The following CFAP46 variants were observed in gnomAD, a reference collection of about 807,000 sequenced individuals.
The protein encoded by CFAP46 is cilia- and flagella-associated protein 46.
A neutral mutation model predicts 325.7 loss-of-function variants in CFAP46; 245 were observed. The ratio of observed to expected loss-of-function variants is 0.75; its 90% CI spans 0.68 to 0.84. CFAP46 has a LOEUF of 0.84. Ranked by LOEUF, CFAP46 falls within the 40% of genes least tolerant of loss-of-function variation. CFAP46 has a pLI of 0.00. For synonymous variants in CFAP46, 1,523 were observed against 1,495.9 expected (o/e 1.02, Z -0.42); for missense variants, 3,346 against 3,543.0 (o/e 0.94, Z 1.41).
At position 132,808,421 on chromosome 10, in the gene CFAP46, T is replaced by G. The variant is rs919523402; in HGVS notation, c.8148A>C (p.Ter2716CysextTer4). ...TIQTVSLFLI[*>C] ...TTTTGTTGTTTGTTTAGTGGAACAC[T>G]CAAATCAAAAACAGGCTCACGGTCT... is the stretch of plus-strand genomic sequence containing the variant. The change falls in exon 58 of 58, where the codon TGA (stop) becomes TGC (cysteine). Residue 2716 changes from the stop codon to cysteine (C), a stop_lost. Transcript: ENST00000368586. This position sits in a 1 kb window ranked among gnomAD's most constrained non-coding sequence, Gnocchi z 6.8. 1.3e-6 allele frequency: 2 copies of G among 1,598,880 alleles called. No individual in the cohort carries two copies. Among genetic ancestry groups the G allele is most frequent in the African/African-American group, 2.7e-5 (2 of 74,542 alleles).
At chr10:132,822,123 A>G (rs1283843729) in intron 50 of CFAP46, among the ~76,000 whole-genome samples, 11 of 72,310 alleles carry the variant, frequency 1.5e-4, no homozygotes, top group African/African-American at 2.9e-4. Context: ...CTGTGTGTGC[A>G]CTTGTGTGTG....
chr10:132,823,947 CAGTGA>C (rs1847962445), intron 50 of CFAP46, among the ~76,000 whole-genome samples: 2 of 113,884 alleles, frequency 1.8e-5, no homozygotes, highest in African/African-American at 3.5e-5. Flanking sequence ...GCTGTGTGTG[CAGTGA>C]TGTGTGCTGT....
intron 50 of CFAP46, among the ~76,000 whole-genome samples, chr10:132,819,428 A>G (rs931805436): frequency 2.6e-5 from 4 of 152,382 alleles, no homozygotes; most frequent in East Asian, 3.9e-4. Context: ...AAGACCCTGA[A>G]TAATCAAAGC....
In CFAP46 at chr10:132,814,135, G is replaced by A. The variant is rs780008489; in HGVS notation, c.7388+17C>T. ...CCTGCCACACTGCAAACGGCTCCTGGGAGCCCAGATCCGAACCTGGGAAAG... is the reference window on the plus strand; with the variant it reads ...CCTGCCACACTGCAAACGGCTCCTGAGAGCCCAGATCCGAACCTGGGAAAG... On this transcript the variant is annotated intron_variant, in intron 54 of 57. Coordinates refer to ENST00000368586, the MANE Select transcript of CFAP46 (RefSeq NM_001200049.3). 1.2e-6 allele frequency: 2 copies of A among 1,607,746 alleles called. No homozygotes were observed. The highest frequency in any genetic ancestry group is 2.2e-5 in the South Asian group (2 of 90,960).
chr10:132,811,952 A>C lies in CFAP46; in HGVS notation c.7501+833T>G, dbSNP rs117787633. 6.6e-5 allele frequency among the ~76,000 whole-genome samples: 10 copies of C among 152,340 alleles called. No homozygotes were observed. The East Asian group carries it at 1.5e-3, about 24-fold the overall frequency. On this transcript the variant is annotated intron_variant, in intron 55 of 57. Coordinates refer to ENST00000368586, the MANE Select transcript of CFAP46 (RefSeq NM_001200049.3). ...GGGGCACAGCAACTCCCGAGTCCCT[A>C]AAAGACTCCTGTCAACCCCACACAG...
chr10:132,834,231 A>C, intron 48 of CFAP46, 108 bp from the exon 49 acceptor site: 5 of 988,468 alleles, frequency 5.1e-6, no homozygotes, highest in Non-Finnish European at 7.6e-6. Flanking sequence ...AGCACCACGA[A>C]TCCCCACGCT....
In CFAP46 at chr10:132,909,237, T is replaced by A; in HGVS notation, c.2657A>T (p.Asn886Ile). The change falls in exon 21 of 58, where the codon AAT becomes ATT. Residue 886 changes from asparagine to isoleucine, a missense_variant. Asn to Ile is a moderately radical substitution (Grantham distance 149). Transcript: ENST00000368586. The stretch of plus-strand genomic sequence containing the variant: ...TCTGGTCACCGAGCTGACATCCTCA[T>A]TGGTGCCCTGGTGGGGAGGATGCCC... ...PRLGTEEQGT[N>I]EDVSSVTRVL... The A allele has an allele frequency of 6.5e-7, 1 of 1,550,082 alleles. No homozygotes were observed.
At chr10:132,880,118 A>ATGTGTGTGTGTG (rs142292189) in intron 28 of CFAP46, among the ~76,000 whole-genome samples, 7 of 150,640 alleles carry the variant, frequency 4.6e-5, no homozygotes, top group Admixed American at 1.3e-4. Flanking sequence ...GTGTGCATGT[A>ATGTGTGTGTGTG]TGTGTGTGTG....
chr10:132,907,815 G>A (rs1849477739), intron 22 of CFAP46, among the ~76,000 whole-genome samples: 1 of 152,180 alleles, frequency 6.6e-6, no homozygotes, highest in African/African-American at 2.4e-5. Flanking sequence ...TTATGAAAGG[G>A]ACCCCAGAGA....
At chr10:132,935,974 A>AG (rs1324063821) in intron 7 of CFAP46, among the ~76,000 whole-genome samples, 2 of 55,066 alleles carry the variant, frequency 3.6e-5, no homozygotes. Context: ...CACTCCCCTC[A>AG]CATCCAAACA....
chr10:132,888,214 G>A (rs549177533), intron 25 of CFAP46, among the ~76,000 whole-genome samples: 54 of 151,820 alleles, frequency 3.6e-4, no homozygotes, highest in East Asian at 1.2e-3. Flanking sequence ...GCTCCACCCC[G>A]TCTAATGGTA....
At chr10:132,917,920 C>A (rs1341031381) in intron 16 of CFAP46, among the ~76,000 whole-genome samples, 1 of 145,164 alleles carries the variant, frequency 6.9e-6, no homozygotes, top group African/African-American at 2.6e-5. Flanking sequence ...CCGATGAACC[C>A]CCCTCTCCAC....
At chr10:132,938,441 A>C in intron 5 of CFAP46, 148 bp downstream of exon 5, 2 of 785,148 alleles carry the variant, frequency 2.5e-6, no homozygotes, top group Non-Finnish European at 4.1e-6. Context: ...CAAGACACAC[A>C]GAAACTTGTG....
Position 132,892,352 on chromosome 10 carries a change from G to T in CFAP46, c.3285C>A (p.Thr1095=), listed in dbSNP as rs754430006. 1 of 1,550,812 alleles carries T rather than the reference G, an allele frequency of 6.4e-7. No individual in the cohort carries two copies. ...ACAAACCTGGAAGAAAATATCCTTC[G>T]GTCGTCCCGCCACCCTGGAAGTCGG... ...PTADFQGGGT[T]EGYFLPGAED... Residue 1095 remains threonine (T), a synonymous_variant, in exon 25 of 58, where the codon ACC becomes ACA. Transcript: ENST00000368586.
intron 8 of CFAP46, among the ~76,000 whole-genome samples, chr10:132,931,576 T>C (rs1252361093): frequency 1.6e-5 from 2 of 125,400 alleles, no homozygotes; most frequent in Admixed American, 1.7e-4. Flanking sequence ...GCCTTCCTCC[T>C]CCCCACACAG....
chr10:132,847,238 C>T lies in CFAP46; in HGVS notation c.6036G>A (p.Pro2012=), dbSNP rs560029436. The part of the protein sequence containing the change: ...EGATKSSRDP[P]ASRAAPEEHC... ...GCTCCTCCGGGGCTGCCCTGGAGGC[C>T]GGCGGGTCCCTGCTGGACTTTGTGG... Residue 2012 remains proline (P), a synonymous_variant, in exon 42 of 58, where the codon CCG becomes CCA. Coordinates refer to ENST00000368586, the MANE Select transcript of CFAP46 (RefSeq NM_001200049.3). The surrounding 1 kb of genome is among the most constrained non-coding windows in gnomAD (Gnocchi z 5.2). 1.4e-4 allele frequency: 231 copies of T among 1,613,216 alleles called. No homozygotes were observed. The highest frequency in any genetic ancestry group is 3.3e-4 in the Admixed American group (20 of 60,020).
rs549095324 is a variant in CFAP46, at chr10:132,889,485, A to G, written c.3304+2848T>C. Among the ~76,000 whole-genome samples, 65 of 152,066 alleles carry G rather than the reference A, an allele frequency of 4.3e-4. No individual in the cohort carries two copies. The highest frequency in any genetic ancestry group is 1.5e-3 in the African/African-American group (64 of 41,476). On this transcript the variant is annotated intron_variant, in intron 25 of 57. Coordinates refer to ENST00000368586, the MANE Select transcript of CFAP46 (RefSeq NM_001200049.3). This position sits in a 1 kb window ranked among gnomAD's most constrained non-coding sequence, Gnocchi z 6.0. Reference sequence around the variant, plus strand: ...GCGGGTCTGCGTCTGAAACTTGGGAACCCTGAGCCCTGCTTCCTCCTGCTT... The same window carrying G: ...GCGGGTCTGCGTCTGAAACTTGGGAGCCCTGAGCCCTGCTTCCTCCTGCTT...
At chr10:132,929,826 A>G in intron 8 of CFAP46, 22 bp from the exon 9 acceptor site, 7 of 1,589,378 alleles carry the variant, frequency 4.4e-6, no homozygotes, top group Non-Finnish European at 6.0e-6. Context: ...CAAACCAGCC[A>G]GCACCGGCTC....
At chr10:132,896,348 T>A (rs1483080354) in intron 24 of CFAP46, among the ~76,000 whole-genome samples, 1 of 152,258 alleles carries the variant, frequency 6.6e-6, no homozygotes, top group Non-Finnish European at 1.5e-5. Context: ...GCCAGGAAGA[T>A]GTTCCTCACC....
Sources: gnomAD v4.1 joint callset for allele counts (sites outside exome capture counted in the v4.1 genomes callset) on GRCh38, gnomAD v4.1.1 for gene constraint, Gnocchi (gnomAD v3.1) non-coding constraint, MANE v1.5 for transcripts, NCBI Gene and HGNC (gene_info 2026-07-23, HGNC 2026-07-21) for gene names.